Variants in LUZP2 observed in about 807,000 individuals in gnomAD.
LUZP2 encodes leucine zipper protein 2.
Under a neutral mutation model 51.6 loss-of-function variants are expected in LUZP2, and 52 were observed. The observed-to-expected ratio is 1.01, with a 90% confidence interval of 0.81 to 1.27. The LOEUF (loss-of-function observed/expected upper bound fraction) is 1.27, where lower values mean the gene tolerates loss of function less well. Among genes scored for constraint, LUZP2 ranks in the 50% most tolerant of loss-of-function variants. The pLI, the probability that LUZP2 is intolerant of heterozygous loss-of-function variation, is 0.00. For missense variants in LUZP2, 436 were observed against 395.4 expected (o/e 1.10, Z -0.87); for synonymous variants, 154 against 137.3 (o/e 1.12, Z -0.85).
intron 5 of LUZP2, among the ~76,000 whole-genome samples, chr11:24,777,382 GC>G (rs11319663): frequency 0.69 from 104,308 of 151,856 alleles, 35,965 homozygotes; most frequent in Non-Finnish European, 0.72. Flanking sequence ...GTAAATTCAT[GC>G]GGGGGGATCC....
chr11:24,948,883 C>T (rs961394356), intron 7 of LUZP2, among the ~76,000 whole-genome samples: 8 of 150,744 alleles, frequency 5.3e-5, no homozygotes, highest in African/African-American at 1.9e-4. Flanking sequence ...ATCCATCTAT[C>T]TAGATATACT....
At chr11:24,967,136 T>G (rs1855606995) in intron 7 of LUZP2, among the ~76,000 whole-genome samples, 1 of 151,736 alleles carries the variant, frequency 6.6e-6, no homozygotes, top group African/African-American at 2.4e-5. Flanking sequence ...GAGTTAGTCT[T>G]AAAATCAGAT....
At chr11:24,591,081 T>A (rs191343802) in intron 1 of LUZP2, among the ~76,000 whole-genome samples, 1 of 152,116 alleles carries the variant, frequency 6.6e-6, no homozygotes, top group Admixed American at 6.6e-5. Context: ...TGCACTACAG[T>A]GTGGGTGACA....
intron 5 of LUZP2, among the ~76,000 whole-genome samples, chr11:24,899,738 A>C (rs1018828210): frequency 4.6e-5 from 7 of 152,138 alleles, no homozygotes; most frequent in African/African-American, 1.4e-4. Flanking sequence ...GCAATCCTTT[A>C]TTCTAAAAGA....
intron 7 of LUZP2, among the ~76,000 whole-genome samples, chr11:24,957,624 C>A (rs1318870715): frequency 6.6e-6 from 1 of 152,140 alleles, no homozygotes; most frequent in Non-Finnish European, 1.5e-5. Flanking sequence ...GCTTATTTCA[C>A]TTAGCATAAT....
At chr11:24,549,046 T>A (rs1245646762) in intron 1 of LUZP2, among the ~76,000 whole-genome samples, 1 of 152,030 alleles carries the variant, frequency 6.6e-6, no homozygotes, top group Admixed American at 6.6e-5. Flanking sequence ...TAACCTTGGC[T>A]TACTGTAACT....
At chr11:24,813,250 C>A (rs540379977) in intron 5 of LUZP2, among the ~76,000 whole-genome samples, 1 of 152,228 alleles carries the variant, frequency 6.6e-6, no homozygotes, top group South Asian at 2.1e-4. Flanking sequence ...GTTCTCTATT[C>A]TCTTCAGTTA....
At chr11:25,060,286 G>C (rs1309922271) in intron 10 of LUZP2, among the ~76,000 whole-genome samples, 1 of 152,126 alleles carries the variant, frequency 6.6e-6, no homozygotes, top group Non-Finnish European at 1.5e-5. Flanking sequence ...TGTTCAGTGA[G>C]GCCCACTTGC....
In LUZP2 at chr11:25,078,701, T is replaced by A. The variant is rs758034946; in HGVS notation, c.*43T>A. The A allele has an allele frequency of 9.8e-6, 14 of 1,422,496 alleles. No individual in the cohort carries two copies. Among genetic ancestry groups the A allele is most frequent in the Non-Finnish European group, 1.1e-5 (11 of 1,026,226 alleles). The allele number at this position is 1,422,496 out of a possible 1,614,324, so 88.1% of individuals were successfully genotyped here. A position where few individuals can be genotyped will look rare whatever the true frequency, so the allele number is the denominator to read the frequency against. On this transcript the variant is annotated 3_prime_UTR_variant, in exon 12 of 12. Coordinates refer to ENST00000336930, the MANE Select transcript of LUZP2 (RefSeq NM_001009909.4). ...TAAAAACGTCCATTTGCTATTGTCT[T>A]CATATTCTTTTTAGACCACAAGCTT...
chr11:24,889,965 T>C (rs930606193), intron 5 of LUZP2, among the ~76,000 whole-genome samples: 4 of 152,320 alleles, frequency 2.6e-5, no homozygotes, highest in African/African-American at 9.6e-5. Context: ...ATGATGTTCA[T>C]TTCTCTGCTT....
intron 9 of LUZP2, among the ~76,000 whole-genome samples, chr11:25,007,797 G>A (rs1350048589): frequency 6.6e-6 from 1 of 152,026 alleles, no homozygotes; most frequent in East Asian, 1.9e-4. Context: ...GCAAGGTGTG[G>A]ACTTAATCAT....
chr11:24,881,862 C>G (rs1852479814), intron 5 of LUZP2, among the ~76,000 whole-genome samples: 1 of 151,758 alleles, frequency 6.6e-6, no homozygotes, highest in Non-Finnish European at 1.5e-5. Context: ...AATATGTATA[C>G]TTGTAAAATA....
chr11:24,531,379 T>C (rs964768473), intron 1 of LUZP2, among the ~76,000 whole-genome samples: 3 of 151,076 alleles, frequency 2.0e-5, no homozygotes, highest in East Asian at 3.9e-4. Flanking sequence ...TGTATAAATA[T>C]CAAATTAAGA....
chr11:24,892,423 TA>T (rs1437275378), intron 5 of LUZP2: 1 of 976,174 alleles, frequency 1.0e-6, no homozygotes, highest in African/African-American at 1.7e-5. Context: ...GCACTTATTA[TA>T]AAAATTAAAA....
At chr11:24,715,261 C>CTGTGTGTG (rs1220899685) in intron 1 of LUZP2, among the ~76,000 whole-genome samples, 4 of 73,594 alleles carry the variant, frequency 5.4e-5, no homozygotes, top group East Asian at 9.0e-4. Context: ...CAAGGAGCAA[C>CTGTGTGTG]TATGTGTGTG....
At chr11:25,006,593 G>T (rs1423753466) in intron 9 of LUZP2, among the ~76,000 whole-genome samples, 2 of 152,122 alleles carry the variant, frequency 1.3e-5, no homozygotes, top group East Asian at 1.9e-4. Flanking sequence ...GCTTTTAACT[G>T]GCCAACATGT....
At chr11:24,727,542 G>T (rs1476507923) in intron 1 of LUZP2, among the ~76,000 whole-genome samples, 1 of 151,974 alleles carries the variant, frequency 6.6e-6, no homozygotes, top group Non-Finnish European at 1.5e-5. Context: ...CTACTATTAT[G>T]AATTATGGTC....
At position 24,624,025 on chromosome 11, in the gene LUZP2, A is replaced by G. The variant is rs34874951; in HGVS notation, c.63-105144A>G. Among the ~76,000 whole-genome samples the G allele has an allele frequency of 8.6e-3, 1,303 of 152,300 alleles. 11 individuals carry two copies. The highest frequency in any genetic ancestry group is 0.018 in the South Asian group (88 of 4,828). ...TTGTTCATATAGTGTGTTCATAATC[A>G]TGACTTGATTTCATCTTATGAATAT... On this transcript the variant is annotated intron_variant, in intron 1 of 11. Coordinates refer to ENST00000336930, the MANE Select transcript of LUZP2 (RefSeq NM_001009909.4).
Position 25,045,539 on chromosome 11 carries a change from A to G in LUZP2, c.766-4499A>G, listed in dbSNP as rs187923452. On this transcript the variant is annotated intron_variant, in intron 9 of 11. Coordinates refer to ENST00000336930, the MANE Select transcript of LUZP2 (RefSeq NM_001009909.4). ...AGATGATAATTAATTTATTTTCAGT[A>G]TATTCTTTGCCTCAGCCTTACTTTC... Among the ~76,000 whole-genome samples, 361 of 152,284 alleles carry G rather than the reference A, an allele frequency of 2.4e-3. 2 individuals are homozygous for G. The highest frequency in any genetic ancestry group is 8.2e-3 in the African/African-American group (340 of 41,568).
Sources: gnomAD v4.1 joint callset for allele counts (sites outside exome capture counted in the v4.1 genomes callset) on GRCh38, gnomAD v4.1.1 for gene constraint, MANE v1.5 for transcripts, NCBI Gene and HGNC (gene_info 2026-07-23, HGNC 2026-07-21) for gene names.